PLA2R1: variants seen among roughly 807,000 people sequenced by gnomAD.
PLA2R1 encodes the protein phospholipase A2 receptor 1, also known as secretory phospholipase A2 receptor.
Under a neutral mutation model 195.9 loss-of-function variants are expected in PLA2R1, and 158 were observed. The ratio of observed to expected loss-of-function variants is 0.81; its 90% CI spans 0.71 to 0.92. The LOEUF (loss-of-function observed/expected upper bound fraction) is 0.92, where lower values mean the gene tolerates loss of function less well. Among genes scored for constraint, PLA2R1 ranks in the 40% least tolerant of loss-of-function variants. PLA2R1 has a pLI of 0.00. For synonymous variants in PLA2R1, 586 were observed against 598.2 expected, an observed-to-expected ratio of 0.98 and a Z score of 0.30; for missense variants, 1,626 against 1,764.6, an observed-to-expected ratio of 0.92 and a Z score of 1.41.
intron 11 of PLA2R1, among the ~76,000 whole-genome samples, chr2:160,004,121 G>C (rs1573871590): frequency 1.3e-5 from 2 of 152,292 alleles, no homozygotes; most frequent in African/African-American, 4.8e-5. Flanking sequence ...GGAAGGTGAA[G>C]AGAAAGATGT....
At chr2:160,024,751 C>T (rs866103401) in intron 6 of PLA2R1, among the ~76,000 whole-genome samples, 4 of 152,150 alleles carry the variant, frequency 2.6e-5, no homozygotes, top group Non-Finnish European at 5.9e-5. Flanking sequence ...ATCCTGCCCT[C>T]CAACACAAAC....
intron 20 of PLA2R1, among the ~76,000 whole-genome samples, chr2:159,958,725 T>C (rs1386483564): frequency 2.6e-5 from 4 of 152,340 alleles, no homozygotes; most frequent in South Asian, 2.1e-4. Flanking sequence ...CCTCAGGGTA[T>C]ATTTTGATAA....
chr2:159,989,918 A>G (rs1690643344), intron 11 of PLA2R1, among the ~76,000 whole-genome samples: 1 of 152,202 alleles, frequency 6.6e-6, no homozygotes, highest in Non-Finnish European at 1.5e-5. Flanking sequence ...TTTAGATGCT[A>G]TAAGATATTC....
Position 160,058,245 on chromosome 2 carries a change from CCT to C in PLA2R1, c.109+4048_109+4049del, listed in dbSNP as rs1483413160. Among the ~76,000 whole-genome samples, 14 of 152,284 alleles carry C rather than the reference CCT, an allele frequency of 9.2e-5. No homozygotes were observed. In the East Asian group the frequency reaches 9.7e-4, roughly 11 times the overall value. ...ACAACTGAGGCCATCAGCCCCTACC[CCT>C]CTTTCCGTCGGCGCAGCATGTCGAG... On this transcript the variant is annotated intron_variant, in intron 1 of 29. Coordinates refer to ENST00000283243, the MANE Select transcript of PLA2R1 (RefSeq NM_007366.5).
intron 10 of PLA2R1, among the ~76,000 whole-genome samples, chr2:160,008,685 G>A (rs891398689): frequency 6.6e-6 from 1 of 152,140 alleles, no homozygotes; most frequent in Non-Finnish European, 1.5e-5. Context: ...AACGGAATAA[G>A]AAATTAATAA....
intron 7 of PLA2R1, among the ~76,000 whole-genome samples, chr2:160,020,528 T>C: frequency 6.6e-6 from 1 of 151,948 alleles, no homozygotes; most frequent in Non-Finnish European, 1.5e-5. Context: ...CTCTAAGGGG[T>C]GAATGGGTCA....
At chr2:159,944,122 A>G (rs530331200) in intron 28 of PLA2R1, among the ~76,000 whole-genome samples, 1 of 152,192 alleles carries the variant, frequency 6.6e-6, no homozygotes, top group East Asian at 1.9e-4. Flanking sequence ...TTACCATCCA[A>G]TTTTATTCCC....
chr2:160,019,316 T>C (rs1381858644), intron 8 of PLA2R1, among the ~76,000 whole-genome samples: 1 of 152,016 alleles, frequency 6.6e-6, no homozygotes, highest in Non-Finnish European at 1.5e-5. Context: ...ATCCCTCAGT[T>C]CTTCCCCTCA....
Position 159,932,869 on chromosome 2 carries a change from T to TGTTGTTCCAATTAGA in PLA2R1, c.*8908_*8909insTCTAATTGGAACAAC, listed in dbSNP as rs1686645827. 1 of 152,128 alleles carries TGTTGTTCCAATTAGA rather than the reference T, an allele frequency of 6.6e-6. No homozygotes were observed. Among genetic ancestry groups the TGTTGTTCCAATTAGA allele is most frequent in the Admixed American group, 6.5e-5 (1 of 15,270 alleles). The allele number at this position is 152,128 out of a possible 1,614,324, so 9.4% of individuals were successfully genotyped here. A position where few individuals can be genotyped will look rare whatever the true frequency, so the allele number is the denominator to read the frequency against. ...TATTTGAAAAATATCCAGGAACATATACATTGGATCTAATATAAATAAGAG... is the reference window on the plus strand; with the variant it reads ...TATTTGAAAAATATCCAGGAACATATGTTGTTCCAATTAGAACATTGGATCTAATATAAATAAGAG... On this transcript the variant is annotated 3_prime_UTR_variant, in exon 30 of 30. Transcript: ENST00000283243.
chr2:159,961,069 T>TA (rs1181354951), intron 20 of PLA2R1, among the ~76,000 whole-genome samples: 14 of 152,298 alleles, frequency 9.2e-5, no homozygotes, highest in African/African-American at 3.4e-4. Flanking sequence ...CTGATAAACT[T>TA]ACTTGTTTCA....
intron 11 of PLA2R1, among the ~76,000 whole-genome samples, chr2:160,001,206 C>T (rs1691569907): frequency 6.6e-6 from 1 of 152,004 alleles, no homozygotes; most frequent in Non-Finnish European, 1.5e-5. Context: ...ACAGCAACAG[C>T]AAATTATAAT....
chr2:159,977,286 C>T lies in PLA2R1; in HGVS notation c.2399G>A (p.Arg800Lys), dbSNP rs780039082. The stretch of plus-strand genomic sequence containing the variant: ...AAAGATCTTACTACTATTTTTACCT[C>T]TTGGGATTTTGCATATCCATTCACG... Reference protein sequence around the residue: ...SKREWICKIPRDVKPKIPFWY... With the variant: ...SKREWICKIPKDVKPKIPFWY... The change falls in exon 15 of 30, where the codon AGA (arginine) becomes AAA (lysine). Residue 800 changes from arginine to lysine, a missense_variant and splice_region_variant. By Grantham distance (26) the Arg-to-Lys change is conservative. Transcript: ENST00000283243. 6.2e-7 allele frequency: 1 copy of T among 1,609,718 alleles called. No homozygotes were observed. The highest frequency in any genetic ancestry group is 8.5e-7 in the Non-Finnish European group (1 of 1,176,612).
In PLA2R1 at chr2:159,936,961, AAGG is replaced by A. The variant is rs1195169844; in HGVS notation, c.*4814_*4816del. On this transcript the variant is annotated 3_prime_UTR_variant, in exon 30 of 30. Transcript: ENST00000283243. ...CATATAAATAAGTAGATGGGAATAA[AAGG>A]AGGTTTGTTATAACAATATCCCTCT... 2 of 152,260 alleles carry A rather than the reference AAGG, an allele frequency of 1.3e-5. No homozygotes were observed. Among genetic ancestry groups the A allele is most frequent in the African/African-American group, 2.4e-5 (1 of 41,474 alleles). The allele number at this position is 152,260 out of a possible 1,614,324, so 9.4% of individuals were successfully genotyped here.
intron 3 of PLA2R1, among the ~76,000 whole-genome samples, chr2:160,034,515 C>T (rs1045009650): frequency 1.3e-5 from 2 of 152,198 alleles, no homozygotes; most frequent in Non-Finnish European, 2.9e-5. Context: ...AAATCCTAGG[C>T]CTTCCCTGAG....
chr2:160,053,602 A>G (rs1695352840), intron 1 of PLA2R1, among the ~76,000 whole-genome samples: 1 of 152,194 alleles, frequency 6.6e-6, no homozygotes, highest in African/African-American at 2.4e-5. Context: ...CACAGAAGTG[A>G]TATCAGTACA....
intron 3 of PLA2R1, among the ~76,000 whole-genome samples, chr2:160,039,546 A>T (rs1230902877): frequency 6.6e-6 from 1 of 152,122 alleles, no homozygotes; most frequent in African/African-American, 2.4e-5. Flanking sequence ...GAAGGATGAG[A>T]TACAGCAGTA....
chr2:160,013,157 T>C (rs890569448), intron 10 of PLA2R1, 106 bp downstream of exon 10: 8 of 525,486 alleles, frequency 1.5e-5, no homozygotes, highest in Non-Finnish European at 2.1e-5. Context: ...CTTTGATGTA[T>C]AGCACAATTT....
At chr2:159,979,784 C>T (rs1338573354) in intron 14 of PLA2R1, 46 bp downstream of exon 14, 3 of 1,131,058 alleles carry the variant, frequency 2.7e-6, no homozygotes, top group South Asian at 2.6e-5. Flanking sequence ...GTCCCAGGCC[C>T]ACTTGTTTTG....
At chr2:159,991,439 CTTTTTTT>C (rs34466452) in intron 11 of PLA2R1, among the ~76,000 whole-genome samples, 1 of 136,022 alleles carries the variant, frequency 7.4e-6, no homozygotes, top group Admixed American at 7.3e-5. Flanking sequence ...CACTTTCTTT[CTTTTTTT>C]TTTTTTTTTA....
Sources: gnomAD v4.1 joint callset for allele counts (sites outside exome capture counted in the v4.1 genomes callset) on GRCh38, gnomAD v4.1.1 for gene constraint, MANE v1.5 for transcripts, NCBI Gene and HGNC (gene_info 2026-07-23, HGNC 2026-07-21) for gene names.